The following GAPVD1 variants were observed in gnomAD, a reference collection of about 807,000 sequenced individuals.
GAPVD1 encodes the protein GTPase-activating protein and VPS9 domain-containing protein 1.
GAPVD1 carries 35 observed loss-of-function variants against 155.5 expected under a neutral mutation model. The observed-to-expected ratio is 0.23, with a 90% CI of 0.17 to 0.30. The LOEUF is 0.30. GAPVD1 is among the 10% of genes least tolerant of loss of function. GAPVD1 has a pLI of 1.00. For synonymous variants in GAPVD1, 636 were observed against 619.7 expected (o/e 1.03, Z -0.39); for missense variants, 1,429 against 1,775.7 (o/e 0.80, Z 3.51).
In GAPVD1 at chr9:125,364,560, T is replaced by C. The variant is rs1461636333; in HGVS notation, c.*1814T>C. 1 of 152,236 alleles carries C rather than the reference T, an allele frequency of 6.6e-6. No individual in the cohort carries two copies. Among genetic ancestry groups the C allele is most frequent in the Non-Finnish European group, 1.5e-5 (1 of 68,044 alleles). The allele number at this position is 152,236 out of a possible 1,614,324, so 9.4% of individuals were successfully genotyped here. On this transcript the variant is annotated 3_prime_UTR_variant, in exon 28 of 28. Transcript: ENST00000297933. ...GCCCAGCCAGAAACTAGATTTTCTT[T>C]ATGCCTCCACCCCTTCTTATTCATT...
intron 3 of GAPVD1, among the ~76,000 whole-genome samples, chr9:125,296,358 GTT>G (rs1554758517): frequency 1.6e-5 from 2 of 121,752 alleles, no homozygotes; most frequent in Non-Finnish European, 3.2e-5. Flanking sequence ...TAGTTCTTAG[GTT>G]TTTTTTTTTT....
At chr9:125,336,494 A>G (rs978718631) in intron 15 of GAPVD1, among the ~76,000 whole-genome samples, 2 of 151,966 alleles carry the variant, frequency 1.3e-5, no homozygotes, top group South Asian at 2.1e-4. Context: ...TTTATAATTT[A>G]TTTATTTTTT....
At chr9:125,343,329 C>G (rs1848087435) in intron 19 of GAPVD1, among the ~76,000 whole-genome samples, 1 of 151,846 alleles carries the variant, frequency 6.6e-6, no homozygotes, top group Non-Finnish European at 1.5e-5. Context: ...GAGGAAAGTT[C>G]ATTTCTCACC....
At chr9:125,269,710 C>CTTTT (rs951306489) in intron 2 of GAPVD1, among the ~76,000 whole-genome samples, 42 of 52,684 alleles carry the variant, frequency 8.0e-4, no homozygotes, top group Non-Finnish European at 9.7e-4. Context: ...CCATGCCTGG[C>CTTTT]TTTTTTTTTT....
intron 1 of GAPVD1, chr9:125,263,848 G>A (rs951077786): frequency 1.6e-6 from 2 of 1,226,848 alleles, no homozygotes; most frequent in African/African-American, 3.0e-5. Context: ...AGTCTCCGGG[G>A]GGCAGATGAA....
intron 1 of GAPVD1, among the ~76,000 whole-genome samples, chr9:125,268,654 C>A (rs1002786453): frequency 2.0e-5 from 3 of 151,966 alleles, no homozygotes; most frequent in Admixed American, 2.0e-4. Flanking sequence ...CACATGACAC[C>A]ATGCTTGGCT....
chr9:125,302,945 A>C, intron 5 of GAPVD1, 119 bp downstream of exon 5: 9 of 1,203,104 alleles, frequency 7.5e-6, no homozygotes, highest in Non-Finnish European at 1.0e-5. Flanking sequence ...ACTTTTTCTC[A>C]ACCAGTCCTA....
At chr9:125,338,963 ATATT>A (rs1847446804) in intron 17 of GAPVD1, among the ~76,000 whole-genome samples, 1 of 133,558 alleles carries the variant, frequency 7.5e-6, no homozygotes, top group Non-Finnish European at 1.6e-5. Flanking sequence ...GTGTGTATAT[ATATT>A]TTTTGTTGTT....
At position 125,346,810 on chromosome 9, in the gene GAPVD1, C is replaced by T. The variant is rs767559443; in HGVS notation, c.3047-9C>T. 4 of 1,612,248 alleles carry T rather than the reference C, an allele frequency of 2.5e-6. No individual in the cohort carries two copies. The highest frequency in any genetic ancestry group is 3.4e-6 in the Non-Finnish European group (4 of 1,178,224). Reference sequence around the variant, plus strand: ...GGGGCTAATTCTCTCACTCTCCTTTCCCTTGCAGATGATCCCAGCCCTAGA... The same window carrying T: ...GGGGCTAATTCTCTCACTCTCCTTTTCCTTGCAGATGATCCCAGCCCTAGA... On this transcript the variant is annotated splice_polypyrimidine_tract_variant and intron_variant, in intron 19 of 27. Transcript: ENST00000297933.
intron 10 of GAPVD1, among the ~76,000 whole-genome samples, chr9:125,323,042 GA>G (rs1468087161): frequency 7.2e-6 from 1 of 139,112 alleles, no homozygotes. Flanking sequence ...GATAGAGCGA[GA>G]CTCTCTCTAA....
chr9:125,351,597 G>A (rs1849295193), intron 23 of GAPVD1, among the ~76,000 whole-genome samples: 1 of 152,214 alleles, frequency 6.6e-6, no homozygotes, highest in African/African-American at 2.4e-5. Flanking sequence ...AGAAAAATTG[G>A]CAGAAACAAA....
In GAPVD1 at chr9:125,342,208, T is replaced by C; in HGVS notation, c.2966-11T>C. 7.2e-7 allele frequency: 1 copy of C among 1,390,048 alleles called. No individual in the cohort carries two copies. The highest frequency in any genetic ancestry group is 1.0e-6 in the Non-Finnish European group (1 of 975,646). The allele number at this position is 1,390,048 out of a possible 1,614,324, so 86.1% of individuals were successfully genotyped here. ...TTATATGTCACACTACTGACTTTAT[T>C]TAATTTCCAGCTCCTATACCATTTA... is the stretch of plus-strand genomic sequence containing the variant. On this transcript the variant is annotated splice_polypyrimidine_tract_variant and intron_variant, in intron 18 of 27. Transcript: ENST00000297933.
At chr9:125,321,689 C>A in intron 10 of GAPVD1, 127 bp downstream of exon 10, 1 of 818,344 alleles carries the variant, frequency 1.2e-6, no homozygotes, top group Non-Finnish European at 1.9e-6. Context: ...ATGAAGATTT[C>A]CTCTAATGAG....
chr9:125,293,597 C>CG (rs1838949086), intron 2 of GAPVD1, among the ~76,000 whole-genome samples: 1 of 52,672 alleles, frequency 1.9e-5, no homozygotes, highest in Non-Finnish European at 4.0e-5. Context: ...TGACAGGCAG[C>CG]TGCCACCATG....
chr9:125,269,839 T>G (rs1376945750), intron 2 of GAPVD1, among the ~76,000 whole-genome samples: 1 of 148,794 alleles, frequency 6.7e-6, no homozygotes, highest in Non-Finnish European at 1.5e-5. Context: ...TGCCTCAGCC[T>G]CCCTGGTAGC....
At chr9:125,293,874 A>ATATATAAATATATTT (rs1564311797) in intron 2 of GAPVD1, among the ~76,000 whole-genome samples, 1 of 15,122 alleles carries the variant, frequency 6.6e-5, no homozygotes, top group African/African-American at 3.5e-4. Context: ...ATATATATAT[A>ATATATAAATATATTT]TATATATATA....
At chr9:125,297,604 T>A (rs1293376668) in intron 3 of GAPVD1, among the ~76,000 whole-genome samples, 1 of 152,168 alleles carries the variant, frequency 6.6e-6, no homozygotes, top group Non-Finnish European at 1.5e-5. Context: ...TGGAGCTGTG[T>A]GAACTAGGGT....
At chr9:125,328,729 C>T (rs1356190307) in intron 12 of GAPVD1, among the ~76,000 whole-genome samples, 11 of 151,766 alleles carry the variant, frequency 7.2e-5, no homozygotes, top group Admixed American at 2.0e-4. Flanking sequence ...ACCTCCCAGA[C>T]GGGGTGGTGG....
At chr9:125,285,373 T>C (rs1405490290) in intron 2 of GAPVD1, among the ~76,000 whole-genome samples, 1 of 152,118 alleles carries the variant, frequency 6.6e-6, no homozygotes, top group African/African-American at 2.4e-5. Flanking sequence ...CAGTGATAAG[T>C]GTTAAAACAT....
Sources: gnomAD v4.1 joint callset for allele counts (sites outside exome capture counted in the v4.1 genomes callset) on GRCh38, gnomAD v4.1.1 for gene constraint, MANE v1.5 for transcripts, NCBI Gene and HGNC (gene_info 2026-07-23, HGNC 2026-07-21) for gene names.